DDX3X: variants seen among roughly 807,000 people sequenced by gnomAD.
The protein encoded by DDX3X is ATP-dependent RNA helicase DDX3X.
A neutral mutation model predicts 52.7 loss-of-function variants in DDX3X; 4 were observed. The ratio of observed to expected loss-of-function variants is 0.08; its 90% CI spans 0.04 to 0.17. DDX3X has a LOEUF of 0.17. Among genes scored for constraint, DDX3X ranks in the 10% least tolerant of loss-of-function variants. The pLI, the probability that DDX3X is intolerant of heterozygous loss-of-function variation, is 1.00. For missense variants in DDX3X, 222 were observed against 548.6 expected (o/e 0.40, Z 5.95); for synonymous variants, 192 against 178.1 (o/e 1.08, Z -0.62).
At chrX:41,355,344 T>A (rs1229933918) in intron 5 of DDX3X, among the ~76,000 whole-genome samples, 1 of 111,940 alleles carries the variant, frequency 8.9e-6, no homozygotes, top group Admixed American at 9.6e-5. Context: ...GTTAAGTATG[T>A]GTTAGTTTAA....
chrX:41,356,995 A>G (rs1357789632), intron 5 of DDX3X, among the ~76,000 whole-genome samples: 1 of 90,482 alleles, frequency 1.1e-5, no homozygotes, highest in Non-Finnish European at 2.1e-5. Context: ...GTGTAGTGGC[A>G]TGATCTCAGC....
downstream of DDX3X, among the ~76,000 whole-genome samples, chrX:41,352,613 TTTAGA>T (rs1462326456): frequency 1.6e-4 from 18 of 111,475 alleles, no homozygotes; most frequent in African/African-American, 4.6e-4. Flanking sequence ...TAGTGATTAA[TTTAGA>T]TTAGTCTTTC....
At chrX:41,334,686 C>T (rs945373737) in intron 1 of DDX3X, 72 of 1,018,037 alleles carry the variant, frequency 7.1e-5, no homozygotes, top group Non-Finnish European at 8.6e-5. Context: ...GCTTGGAGGG[C>T]TTCGGCCTTC....
rs2063866358 is a variant in DDX3X, at chrX:41,342,558, T to A, written c.348T>A (p.Phe116Leu). Residue 116 changes from phenylalanine (F) to leucine (L), a missense_variant, in exon 5 of 17, where the codon TTT becomes TTA. By Grantham distance (22) the Phe-to-Leu change is conservative. Coordinates refer to ENST00000644876, the MANE Select transcript of DDX3X (RefSeq NM_001356.5). ...GIGSRGDRSG[F>L]GKFERGGNSR... The stretch of plus-strand genomic sequence containing the variant: ...GCAGCCGTGGTGACAGAAGTGGCTT[T>A]GGCAAATTTGAACGTGGTGGAAACA... The A allele has an allele frequency of 4.1e-6, 5 of 1,210,278 alleles. No individual in the cohort carries two copies. Among genetic ancestry groups the A allele is most frequent in the Non-Finnish European group, 5.6e-6 (5 of 895,291 alleles).
intron 6 of DDX3X, 153 bp downstream of exon 6, chrX:41,342,989 A>G (rs2063871125): frequency 1.4e-5 from 8 of 566,313 alleles, no homozygotes; most frequent in Non-Finnish European, 2.2e-5. Flanking sequence ...ACCATTATGA[A>G]TAATTTATTA....
Position 41,346,275 on chromosome X carries a change from A to C in DDX3X, c.1362A>C (p.Ala454=), listed in dbSNP as rs2063922544. The C allele has an allele frequency of 1.7e-6, 2 of 1,210,734 alleles. No homozygotes were observed. The highest frequency in any genetic ancestry group is 5.9e-5 in the East Asian group (2 of 33,836). Reference sequence around the variant, plus strand: ...TGTTTGTGGAGACCAAAAAGGGTGCAGATTCTCTGGAGGATTTCTTATACC... The same window carrying C: ...TGTTTGTGGAGACCAAAAAGGGTGCCGATTCTCTGGAGGATTTCTTATACC... The part of the protein sequence containing the change: ...TLVFVETKKG[A]DSLEDFLYHE... Residue 454 remains alanine, a synonymous_variant, in exon 13 of 17, where the codon GCA becomes GCC. Coordinates refer to ENST00000644876, the MANE Select transcript of DDX3X (RefSeq NM_001356.5).
intron 8 of DDX3X, 54 bp downstream of exon 8, chrX:41,343,876 A>G: frequency 9.3e-7 from 1 of 1,069,554 alleles, no homozygotes; most frequent in Non-Finnish European, 1.3e-6. Flanking sequence ...GTGGCCATTG[A>G]GAGGGCTTTC....
intron 5 of DDX3X, among the ~76,000 whole-genome samples, chrX:41,363,850 G>C (rs944148648): frequency 1.8e-5 from 2 of 111,306 alleles, no homozygotes; most frequent in Non-Finnish European, 3.8e-5. Context: ...CTCTCCCATG[G>C]GAGGAAGCTC....
At chrX:41,357,151 C>T (rs1454935829) in intron 5 of DDX3X, among the ~76,000 whole-genome samples, 1 of 109,792 alleles carries the variant, frequency 9.1e-6, no homozygotes, top group Admixed American at 9.9e-5. Flanking sequence ...CCAGGCTGGT[C>T]TTGAACCCCT....
intron 5 of DDX3X, among the ~76,000 whole-genome samples, chrX:41,356,611 A>G (rs1320478928): frequency 1.9e-5 from 2 of 107,897 alleles, no homozygotes; most frequent in East Asian, 5.8e-4. Flanking sequence ...GGCGCACACC[A>G]CCACACCTGG....
rs1569240626 is a variant in DDX3X, at chrX:41,347,029, A to G, written c.1769+17A>G. 5 of 1,186,922 alleles carry G rather than the reference A, an allele frequency of 4.2e-6. No individual in the cohort carries two copies. The highest frequency in any genetic ancestry group is 5.7e-6 in the Non-Finnish European group (5 of 880,346). ...TTCTAAGAGGTGAGGTATAAATAGT[A>G]TATAATGAGGGGAATGGGTGTTCAC... is the stretch of plus-strand genomic sequence containing the variant. On this transcript the variant is annotated intron_variant, in intron 15 of 16. Transcript: ENST00000644876.
chrX:41,346,189 G>C, intron 12 of DDX3X, 40 bp from the exon 13 acceptor site: 1 of 1,144,963 alleles, frequency 8.7e-7, no homozygotes, highest in Non-Finnish European at 1.2e-6. Context: ...AGAGAACTAA[G>C]CCATGTTAGT....
intron 5 of DDX3X, among the ~76,000 whole-genome samples, chrX:41,356,440 C>T (rs1301571608): frequency 1.9e-5 from 2 of 105,338 alleles, no homozygotes; most frequent in African/African-American, 3.5e-5. Context: ...AGCCACCTCG[C>T]CTGGCCAGTA....
At chrX:41,342,414 C>G in intron 4 of DDX3X, 81 bp from the exon 5 acceptor site, 1 of 1,086,992 alleles carries the variant, frequency 9.2e-7, no homozygotes, top group East Asian at 3.0e-5. Flanking sequence ...ACTTAAGTCT[C>G]CAGATACAGT....
chrX:41,346,828 T>C, intron 14 of DDX3X, 31 bp from the exon 15 acceptor site: 2 of 1,169,780 alleles, frequency 1.7e-6, no homozygotes, highest in South Asian at 3.8e-5. Context: ...GGAAGACCTT[T>C]GTTTATATAC....
chrX:41,346,585 A>G lies in DDX3X; in HGVS notation c.1578A>G (p.Val526=). The G allele has an allele frequency of 8.3e-7, 1 of 1,207,842 alleles. No homozygotes were observed. The highest frequency in any genetic ancestry group is 3.0e-5 in the East Asian group (1 of 33,851). Residue 526 remains valine (V), a synonymous_variant, in exon 14 of 17, where the codon GTA becomes GTG. Transcript: ENST00000644876. ...TGCCAAGTGATATTGAAGAATATGT[A>G]CATCGTATTGGTCGTACGGGACGTG... is the stretch of plus-strand genomic sequence containing the variant. The part of the protein sequence containing the change: ...FDLPSDIEEY[V]HRIGRTGRVG...
Position 41,346,490 on chromosome X carries a change from A to G in DDX3X, c.1498-15A>G, listed in dbSNP as rs768662720. On this transcript the variant is annotated splice_polypyrimidine_tract_variant and intron_variant, in intron 13 of 16. Transcript: ENST00000644876. Reference sequence around the variant, plus strand: ...TCTTTTAAGTGGGCCATATCTCATAAAAGTTATTTTCCAGGTAGCAGCAAG... The same window carrying G: ...TCTTTTAAGTGGGCCATATCTCATAGAAGTTATTTTCCAGGTAGCAGCAAG... The G allele has an allele frequency of 5.8e-6, 7 of 1,198,590 alleles. No individual in the cohort carries two copies. The highest frequency in any genetic ancestry group is 3.6e-5 in the South Asian group (2 of 55,206).
chrX:41,334,129 G>T, upstream of DDX3X: 3 of 652,909 alleles, frequency 4.6e-6, no homozygotes, highest in Non-Finnish European at 7.2e-6. Context: ...TTTCCAGCGG[G>T]TATATTAGAT....
At chrX:41,334,530 T>TTG (rs2063728471) in intron 1 of DDX3X, 5 of 1,092,660 alleles carry the variant, frequency 4.6e-6, no homozygotes, top group Non-Finnish European at 4.8e-6. Context: ...ATGGCGGCTT[T>TTG]TGTGTGTGCG....
Sources: allele counts gnomAD v4.1 joint callset (sites outside exome capture counted in the v4.1 genomes callset), GRCh38; gene constraint gnomAD v4.1.1; transcripts MANE v1.5; gene names NCBI Gene and HGNC (gene_info 2026-07-23, HGNC 2026-07-21).